LPP: variants seen among roughly 807,000 people sequenced by gnomAD.
LPP encodes LIM domain containing preferred translocation partner in lipoma.
In LPP, 38 loss-of-function variants were observed where a neutral mutation model predicts 60.4. That is an observed-to-expected ratio of 0.63 (90% confidence interval 0.49 to 0.83). The LOEUF (loss-of-function observed/expected upper bound fraction) is 0.83, where lower values mean the gene tolerates loss of function less well. LPP is among the 40% of genes least tolerant of loss of function. The pLI, the probability that LPP is intolerant of heterozygous loss-of-function variation, is 0.00. For synonymous variants in LPP, 328 were observed against 290.8 expected (o/e 1.13, Z -1.30); for missense variants, 902 against 783.6 (o/e 1.15, Z -1.80).
At chr3:188,433,507 T>C (rs933051723) in intron 4 of LPP, among the ~76,000 whole-genome samples, 1 of 150,422 alleles carries the variant, frequency 6.6e-6, no homozygotes, top group African/African-American at 2.5e-5. Context: ...AACCCAGCCA[T>C]CCAGCCAGAG....
rs540094750 is a variant in LPP, at chr3:188,413,170, G to A, written c.193+6857G>A. ...TGAGGGAAATGGATGTCCACTTATG[G>A]CATTATATTTAAAGGAATAATTTAG... On this transcript the variant is annotated intron_variant, in intron 4 of 11. Transcript: ENST00000617246. 2.6e-5 allele frequency among the ~76,000 whole-genome samples: 4 copies of A among 152,154 alleles called. No homozygotes were observed. In the South Asian group the frequency reaches 8.3e-4, roughly 32 times the overall value.
At position 188,874,567 on chromosome 3, in the gene LPP, A is replaced by T. The variant is rs1769025053; in HGVS notation, c.*88A>T. ...AGAGTAAAGGCCATCAAACTACGCG[A>T]TAGTCTCTGTTCTTCATCTGCTATT... On this transcript the variant is annotated 3_prime_UTR_variant, in exon 12 of 12. Coordinates refer to ENST00000617246, the MANE Select transcript of LPP (RefSeq NM_001375462.1). 1 of 1,429,380 alleles carries T rather than the reference A, an allele frequency of 7.0e-7. No individual in the cohort carries two copies. The highest frequency in any genetic ancestry group is 9.6e-7 in the Non-Finnish European group (1 of 1,046,058). The allele number at this position is 1,429,380 out of a possible 1,614,324, so 88.5% of individuals were successfully genotyped here. A position where few individuals can be genotyped will look rare whatever the true frequency, so the allele number is the denominator to read the frequency against.
chr3:188,476,972 G>A (rs1241898030), intron 4 of LPP, among the ~76,000 whole-genome samples: 2 of 152,162 alleles, frequency 1.3e-5, no homozygotes, highest in Non-Finnish European at 2.9e-5. Context: ...GGAGTTTCAC[G>A]CTGTAGAAAC....
intron 3 of LPP, among the ~76,000 whole-genome samples, chr3:188,348,880 G>A (rs1404038049): frequency 6.6e-6 from 1 of 152,102 alleles, no homozygotes; most frequent in Non-Finnish European, 1.5e-5. Flanking sequence ...TTGAGATAGC[G>A]GGGTCCGGGG....
At chr3:188,274,688 A>G (rs1181508647) in intron 2 of LPP, among the ~76,000 whole-genome samples, 1 of 152,238 alleles carries the variant, frequency 6.6e-6, no homozygotes, top group African/African-American at 2.4e-5. Flanking sequence ...CTGCAGATAG[A>G]AAGTGCTTCA....
rs773525518 is a variant in LPP at position 188,866,386 on chromosome 3, A to G, written c.1589+8A>G. 2.8e-6 allele frequency: 4 copies of G among 1,447,986 alleles called. No individual in the cohort carries two copies. Among genetic ancestry groups the G allele is most frequent in the Non-Finnish European group, 3.7e-6 (4 of 1,087,000 alleles). The allele number at this position is 1,447,986 out of a possible 1,614,324, so 89.7% of individuals were successfully genotyped here. A position where few individuals can be genotyped will look rare whatever the true frequency, so the allele number is the denominator to read the frequency against. On this transcript the variant is annotated splice_region_variant and intron_variant, in intron 10 of 11. Transcript: ENST00000617246. ...CATTGAGGACTTCCACAAGTAGGCAACCTACTCTCTCGTCACCACCCTGCC... is the reference window on the plus strand; with the variant it reads ...CATTGAGGACTTCCACAAGTAGGCAGCCTACTCTCTCGTCACCACCCTGCC...
rs1302002579 is a variant in LPP at position 188,275,035 on chromosome 3, A to G, written c.-67+49508A>G. On this transcript the variant is annotated intron_variant, in intron 2 of 11. Coordinates refer to ENST00000617246, the MANE Select transcript of LPP (RefSeq NM_001375462.1). ...GTTCTAAATCCTGTCCCCTTCTCCA[A>G]CTGTTATTTCTTTAAAGGAATCAGC... Among the ~76,000 whole-genome samples, 5 of 152,264 alleles carry G rather than the reference A, an allele frequency of 3.3e-5. No homozygotes were observed. The East Asian group carries it at 9.7e-4, about 29-fold the overall frequency.
chr3:188,640,744 T>G (rs540319340), intron 7 of LPP, among the ~76,000 whole-genome samples: 1 of 151,884 alleles, frequency 6.6e-6, no homozygotes, highest in Non-Finnish European at 1.5e-5. Flanking sequence ...CTTGAATATA[T>G]CAGAATGATA....
intron 3 of LPP, among the ~76,000 whole-genome samples, chr3:188,379,447 A>G (rs1212835747): frequency 6.6e-6 from 1 of 152,196 alleles, no homozygotes; most frequent in Non-Finnish European, 1.5e-5. Flanking sequence ...AATTTTTAAT[A>G]TATTCATAGA....
At chr3:188,607,370 G>GATATAGAT (rs1553941080) in intron 6 of LPP, among the ~76,000 whole-genome samples, 6 of 102,730 alleles carry the variant, frequency 5.8e-5, no homozygotes, top group African/African-American at 2.1e-4. Flanking sequence ...GAAAATAGAA[G>GATATAGAT]ATATATATAT....
At chr3:188,528,072 A>G (rs1821138860) in intron 6 of LPP, among the ~76,000 whole-genome samples, 1 of 152,216 alleles carries the variant, frequency 6.6e-6, no homozygotes, top group Non-Finnish European at 1.5e-5. Context: ...ACAGATGAGA[A>G]AAGTTCAGAC....
chr3:188,852,156 T>A (rs1762819539), intron 9 of LPP, among the ~76,000 whole-genome samples: 1 of 152,120 alleles, frequency 6.6e-6, no homozygotes, highest in South Asian at 2.1e-4. Context: ...AGAGTGAGAC[T>A]CTGTCTCAAA....
At chr3:188,571,932 G>T (rs563080538) in intron 6 of LPP, among the ~76,000 whole-genome samples, 2 of 152,152 alleles carry the variant, frequency 1.3e-5, no homozygotes, top group South Asian at 4.1e-4. Flanking sequence ...TTACTGTTAC[G>T]TGGTAATCAT....
At chr3:188,501,622 A>G (rs1016753801) in intron 5 of LPP, among the ~76,000 whole-genome samples, 3 of 152,038 alleles carry the variant, frequency 2.0e-5, no homozygotes, top group Admixed American at 2.0e-4. Flanking sequence ...GGTGGCGGGC[A>G]CCTGTAGTCC....
chr3:188,596,379 A>G (rs1580261578), intron 6 of LPP, among the ~76,000 whole-genome samples: 1 of 152,046 alleles, frequency 6.6e-6, no homozygotes, highest in Non-Finnish European at 1.5e-5. Context: ...TCATGAAAAC[A>G]TTTTCTACCC....
At chr3:188,788,784 C>T (rs1742709030) in intron 9 of LPP, among the ~76,000 whole-genome samples, 2 of 152,196 alleles carry the variant, frequency 1.3e-5, no homozygotes, top group African/African-American at 4.8e-5. Flanking sequence ...AACCCTGCAG[C>T]ACGCCCCCCC....
chr3:188,183,610 A>G (rs892741310), intron 1 of LPP, among the ~76,000 whole-genome samples: 1 of 152,160 alleles, frequency 6.6e-6, no homozygotes, highest in Non-Finnish European at 1.5e-5. Context: ...CAAGGGTGTG[A>G]TTAGCACTGA....
chr3:188,155,115 G>A (rs879670319), intron 1 of LPP, among the ~76,000 whole-genome samples: 1 of 152,128 alleles, frequency 6.6e-6, no homozygotes, highest in Admixed American at 6.5e-5. Context: ...GATGGGGGAG[G>A]TTGTGATATG....
intron 7 of LPP, among the ~76,000 whole-genome samples, chr3:188,625,381 T>C (rs942485965): frequency 1.3e-5 from 2 of 152,216 alleles, no homozygotes; most frequent in Non-Finnish European, 2.9e-5. Context: ...AATACATTGA[T>C]ATATACTTTA....
Sources: gnomAD v4.1 joint callset for allele counts (sites outside exome capture counted in the v4.1 genomes callset) on GRCh38, gnomAD v4.1.1 for gene constraint, MANE v1.5 for transcripts, NCBI Gene and HGNC (gene_info 2026-07-23, HGNC 2026-07-21) for gene names.